The following PCTP variants were observed in gnomAD, a reference collection of about 807,000 sequenced individuals.
PCTP encodes the protein START domain-containing protein 2.
Under a neutral mutation model 31.0 loss-of-function variants are expected in PCTP, and 27 were observed. The observed-to-expected ratio is 0.87, with a 90% CI of 0.64 to 1.20. PCTP has a LOEUF of 1.20. Among genes scored for constraint, PCTP ranks in the 50% most tolerant of loss-of-function variants. The pLI is 0.00. For missense variants in PCTP, 287 were observed against 268.2 expected (o/e 1.07, Z -0.49); for synonymous variants, 108 against 101.2 (o/e 1.07, Z -0.40).
chr17:55,762,787 C>T lies in PCTP; in HGVS notation c.142-4548C>T, dbSNP rs8074289. Among the ~76,000 whole-genome samples, 910 of 152,256 alleles carry T rather than the reference C, an allele frequency of 6.0e-3. 12 individuals are homozygous for T. The highest frequency in any genetic ancestry group is 0.02 in the African/African-American group (831 of 41,546). On this transcript the variant is annotated intron_variant, in intron 1 of 5. Coordinates refer to ENST00000268896, the MANE Select transcript of PCTP (RefSeq NM_021213.4). ...ACATTTAAAACAGGGATAAGTCACA[C>T]GGCTACCTCTCCCTGCAGAGGAGAC...
chr17:55,802,111 T>C (rs746494153), intron 3 of PCTP, among the ~76,000 whole-genome samples: 42 of 152,092 alleles, frequency 2.8e-4, no homozygotes, highest in Non-Finnish European at 5.0e-4. Context: ...AACTAGAAAA[T>C]CTAGAAGAAA....
At chr17:55,836,280 GC>G (rs1905774021) in intron 5 of PCTP, among the ~76,000 whole-genome samples, 1 of 152,130 alleles carries the variant, frequency 6.6e-6, no homozygotes, top group South Asian at 2.1e-4. Context: ...TAAACTACAT[GC>G]TTTTAGCCCA....
At chr17:55,787,709 T>C (rs1234164245) in intron 3 of PCTP, 1 of 152,162 alleles carries the variant, frequency 6.6e-6, no homozygotes, top group Non-Finnish European at 1.5e-5. Context: ...GGTCATCTTA[T>C]CTACCATCTT....
chr17:55,768,073 G>C (rs1447243524), intron 2 of PCTP, among the ~76,000 whole-genome samples: 2 of 129,816 alleles, frequency 1.5e-5, no homozygotes, highest in Non-Finnish European at 3.4e-5. Context: ...ACAACAGAGG[G>C]AGACCCTGTC....
downstream of PCTP, among the ~76,000 whole-genome samples, chr17:55,845,361 C>T (rs1906113772): frequency 6.6e-6 from 1 of 152,138 alleles, no homozygotes. Flanking sequence ...AGAGATACCA[C>T]TTCAGCCTCT....
chr17:55,823,297 CT>C (rs1313523097), downstream of PCTP, among the ~76,000 whole-genome samples: 2 of 152,116 alleles, frequency 1.3e-5, no homozygotes, highest in Non-Finnish European at 2.9e-5. Flanking sequence ...TAAAAATGGC[CT>C]TCAGTGTCAT....
intron 2 of PCTP, 24 bp from the exon 3 acceptor site, chr17:55,771,082 T>G: frequency 6.3e-7 from 1 of 1,590,398 alleles, no homozygotes; most frequent in Non-Finnish European, 8.6e-7. Flanking sequence ...TCCAGATGCA[T>G]TAACTTCTTT....
At chr17:55,845,887 G>GGTGTGTGTGTGT (rs34179575), downstream of PCTP, among the ~76,000 whole-genome samples, 4,955 of 142,980 alleles carry the variant, frequency 0.035, 126 homozygotes, top group Non-Finnish European at 0.042. Context: ...AGAGGGTTGG[G>GGTGTGTGTGTGT]GTGTGTGTGT....
rs769343182 is a variant in PCTP, at chr17:55,777,242, C to T, written c.*1142C>T. 6.6e-5 allele frequency: 65 copies of T among 985,494 alleles called. No individual in the cohort carries two copies. Among genetic ancestry groups the T allele is most frequent in the Middle Eastern group, 5.2e-4 (1 of 1,912 alleles). The allele number at this position is 985,494 out of a possible 1,614,324, so 61.0% of individuals were successfully genotyped here. A position where few individuals can be genotyped will look rare whatever the true frequency, so the allele number is the denominator to read the frequency against. On this transcript the variant is annotated 3_prime_UTR_variant, in exon 6 of 6. Coordinates refer to ENST00000268896, the MANE Select transcript of PCTP (RefSeq NM_021213.4). ...ATCACTGTGTATAATGATACTGAAC[C>T]TTGATTAATAACAGAAATTCAGGAT...
Position 55,805,607 on chromosome 17 carries a change from T to C in PCTP, c.318-17154T>C, listed in dbSNP as rs1322894153. Among the ~76,000 whole-genome samples the C allele has an allele frequency of 4.6e-5, 7 of 152,036 alleles. No individual in the cohort carries two copies. In the East Asian group the frequency reaches 1.4e-3, roughly 29 times the overall value. On this transcript the variant is annotated intron_variant, in intron 3 of 3. Coordinates refer to the PCTP transcript ENST00000572536. Reference sequence around the variant, plus strand: ...ACATATATGTATATATATACATATATATACACACACATATATATGATAGGA... The same window carrying C: ...ACATATATGTATATATATACATATACATACACACACATATATATGATAGGA...
At chr17:55,851,337 T>C in the PCTP span, among the ~76,000 whole-genome samples, 3 of 152,154 alleles carry the variant, frequency 2.0e-5, no homozygotes, top group Non-Finnish European at 4.4e-5. Context: ...GAGTTAAAGA[T>C]TTTTTAGAAT....
At chr17:55,758,570 C>T (rs1910170603) in intron 1 of PCTP, among the ~76,000 whole-genome samples, 1 of 152,228 alleles carries the variant, frequency 6.6e-6, no homozygotes, top group Non-Finnish European at 1.5e-5. Context: ...TGTCATCCTT[C>T]TGATTACCAG....
chr17:55,802,690 TA>T (rs1912427827), intron 3 of PCTP, among the ~76,000 whole-genome samples: 1 of 152,196 alleles, frequency 6.6e-6, no homozygotes, highest in Non-Finnish European at 1.5e-5. Flanking sequence ...AAACTCTCAA[TA>T]AACTAGGTTT....
downstream of PCTP, among the ~76,000 whole-genome samples, chr17:55,781,913 T>TTGTG (rs34261304): frequency 3.3e-4 from 50 of 149,476 alleles, no homozygotes; most frequent in African/African-American, 8.8e-4. Flanking sequence ...CAGCACCTGA[T>TTGTG]TGTGTGTGTG....
intron 2 of PCTP, among the ~76,000 whole-genome samples, chr17:55,768,081 G>A (rs373986824): frequency 4.1e-4 from 30 of 72,436 alleles, no homozygotes; most frequent in South Asian, 1.7e-3. Context: ...GGGAGACCCT[G>A]TCTCAAAAAA....
At chr17:55,840,676 T>C (rs1285407295) in intron 5 of PCTP, among the ~76,000 whole-genome samples, 1 of 152,240 alleles carries the variant, frequency 6.6e-6, no homozygotes, top group East Asian at 1.9e-4. Context: ...TTATCATTAG[T>C]TATTAATGTT....
At chr17:55,839,138 TAA>T (rs1007042474) in intron 5 of PCTP, among the ~76,000 whole-genome samples, 3 of 152,238 alleles carry the variant, frequency 2.0e-5, no homozygotes, top group Admixed American at 6.5e-5. Context: ...AATCCTCTAG[TAA>T]AGAGTAGCAG....
At chr17:55,763,358 G>A (rs986471515) in intron 1 of PCTP, among the ~76,000 whole-genome samples, 1 of 151,968 alleles carries the variant, frequency 6.6e-6, no homozygotes, top group African/African-American at 2.4e-5. Flanking sequence ...TGGTGCACAC[G>A]TTCTGCAAGG....
intron 5 of PCTP, among the ~76,000 whole-genome samples, chr17:55,839,939 A>AAAAAAAAAC (rs1905915292): frequency 6.7e-6 from 1 of 150,330 alleles, no homozygotes; most frequent in Admixed American, 6.6e-5. Flanking sequence ...AAAAAAAAAA[A>AAAAAAAAAC]AAAAAAAACA....
Sources: gnomAD v4.1 joint callset for allele counts (sites outside exome capture counted in the v4.1 genomes callset) on GRCh38, gnomAD v4.1.1 for gene constraint, MANE v1.5 for transcripts, NCBI Gene and HGNC (gene_info 2026-07-23, HGNC 2026-07-21) for gene names.